FAM222B: variants seen among roughly 807,000 people sequenced by gnomAD.
The protein encoded by FAM222B is family with sequence similarity 222 member B, also known as protein FAM222B.
FAM222B carries 12 observed loss-of-function variants against 38.0 expected under a neutral mutation model. That is an observed-to-expected ratio of 0.32 (90% CI 0.20 to 0.51). FAM222B has a LOEUF of 0.51. FAM222B is among the 20% of genes least tolerant of loss of function. The probability of loss-of-function intolerance (pLI) is 0.97; values close to 1 mark genes in which losing one functional copy is unlikely to be tolerated. For synonymous variants in FAM222B, 329 were observed against 317.2 expected, an observed-to-expected ratio of 1.04 and a Z score of -0.40; for missense variants, 716 against 754.2, an observed-to-expected ratio of 0.95 and a Z score of 0.59.
chr17:28,852,518 G>A (rs1486243770), intron 1 of FAM222B, among the ~76,000 whole-genome samples: 1 of 152,044 alleles, frequency 6.6e-6, no homozygotes, highest in African/African-American at 2.4e-5. Flanking sequence ...GCCCGCATCT[G>A]TAGTCCCAGC....
intron 1 of FAM222B, among the ~76,000 whole-genome samples, chr17:28,787,419 T>C (rs2036465491): frequency 3.3e-5 from 5 of 152,238 alleles, no homozygotes; most frequent in Admixed American, 2.0e-4. Context: ...CAAAGGCTTC[T>C]ATATAGCCTT....
chr17:28,766,619 AAAG>A lies in FAM222B; in HGVS notation c.46_48del (p.Leu16del). On this transcript the variant is annotated inframe_deletion, in exon 2 of 3. Transcript: ENST00000581407. ...AGTCCAGTGTTCATCTGCGTGTGAG[AAAG>A]AAGCTGAAAGGACAGGTCACCTGGC... 1 of 1,606,160 alleles carries A rather than the reference AAAG, an allele frequency of 6.2e-7. No homozygotes were observed. The highest frequency in any genetic ancestry group is 8.5e-7 in the Non-Finnish European group (1 of 1,176,230).
Position 28,758,731 on chromosome 17 carries a change from A to C in FAM222B, c.1228T>G (p.Tyr410Asp). The change falls in exon 3 of 3, where the codon TAC becomes GAC. Residue 410 changes from tyrosine (Y) to aspartate (D), a missense_variant. By Grantham distance (160) the Tyr-to-Asp change is radical. Transcript: ENST00000581407. The stretch of plus-strand genomic sequence containing the variant: ...TGCGCCAGGCAGAGTTCCTGCGGGT[A>C]GGCAGGGGCCTTGCCCACAAAGCCA... The part of the protein sequence containing the change: ...GPGFVGKAPA[Y>D]PQELCLAQSF... 1 of 1,582,830 alleles carries C rather than the reference A, an allele frequency of 6.3e-7. No homozygotes were observed. The highest frequency in any genetic ancestry group is 1.1e-5 in the South Asian group (1 of 88,228).
chr17:28,770,583 T>C (rs1288222645), intron 1 of FAM222B, among the ~76,000 whole-genome samples: 1 of 150,918 alleles, frequency 6.6e-6, no homozygotes, highest in African/African-American at 2.5e-5. Flanking sequence ...TTTTTTTTTT[T>C]TTTTTGAGAC....
chr17:28,796,994 C>CTTTTTTT (rs34242589), intron 1 of FAM222B, among the ~76,000 whole-genome samples: 22 of 81,598 alleles, frequency 2.7e-4, no homozygotes, highest in East Asian at 4.2e-4. Context: ...GTGGCTATTG[C>CTTTTTTT]TTTTTTTTTT....
At chr17:28,820,346 G>A (rs1301056121) in intron 1 of FAM222B, among the ~76,000 whole-genome samples, 2 of 152,156 alleles carry the variant, frequency 1.3e-5, no homozygotes, top group African/African-American at 4.8e-5. Context: ...TTAGACTCTG[G>A]TATGGAACAA....
intron 2 of FAM222B, among the ~76,000 whole-genome samples, chr17:28,764,946 T>C (rs1179927869): frequency 6.6e-6 from 1 of 152,102 alleles, no homozygotes; most frequent in African/African-American, 2.4e-5. Context: ...CCCTCTCCAG[T>C]TGTGTCCCCA....
chr17:28,762,967 T>A (rs1039054650), intron 2 of FAM222B, among the ~76,000 whole-genome samples: 18 of 151,842 alleles, frequency 1.2e-4, no homozygotes, highest in Admixed American at 9.2e-4. Context: ...TTCTCAACAC[T>A]TATCACAGCC....
chr17:28,761,109 T>C (rs2035052155), intron 2 of FAM222B, among the ~76,000 whole-genome samples: 1 of 152,244 alleles, frequency 6.6e-6, no homozygotes, highest in Non-Finnish European at 1.5e-5. Context: ...TGCCTGCCTT[T>C]GGAGACTGCG....
At chr17:28,815,244 C>T (rs1383126718) in intron 1 of FAM222B, among the ~76,000 whole-genome samples, 10 of 149,886 alleles carry the variant, frequency 6.7e-5, no homozygotes, top group African/African-American at 2.2e-4. Context: ...GACAGAGTCT[C>T]GCTCTGTCAC....
At chr17:28,811,350 G>T (rs1355465656) in intron 1 of FAM222B, among the ~76,000 whole-genome samples, 1 of 152,108 alleles carries the variant, frequency 6.6e-6, no homozygotes, top group Non-Finnish European at 1.5e-5. Flanking sequence ...TAAGACAGGG[G>T]AATCGCTTGA....
chr17:28,807,438 T>A (rs2037547290), intron 1 of FAM222B, among the ~76,000 whole-genome samples: 1 of 152,166 alleles, frequency 6.6e-6, no homozygotes, highest in South Asian at 2.1e-4. Flanking sequence ...CAGGCTGGAG[T>A]GCAGTCCAAC....
chr17:28,781,753 A>G (rs970875093), intron 1 of FAM222B, among the ~76,000 whole-genome samples: 11 of 152,226 alleles, frequency 7.2e-5, no homozygotes, highest in Non-Finnish European at 1.6e-4. Context: ...CCTGCAGGAC[A>G]TTATGTTAAG....
intron 1 of FAM222B, among the ~76,000 whole-genome samples, chr17:28,781,649 A>G (rs2036173575): frequency 6.6e-6 from 1 of 152,228 alleles, no homozygotes; most frequent in Non-Finnish European, 1.5e-5. Context: ...CAGTCTATCA[A>G]TGGATGAACA....
At position 28,758,489 on chromosome 17, in the gene FAM222B, A is replaced by G; in HGVS notation, c.1470T>C (p.Ala490=). ...PTGAPLDCAA[A]PGAHYRAGTG... is the part of the protein sequence containing the mutation. ...TCCCTGCTCGGTAGTGGGCCCCGGG[A>G]GCTGCCGCACAGTCGAGGGGTGCAC... The change falls in exon 3 of 3, where the codon GCT becomes GCC. Residue 490 remains alanine (A), a synonymous_variant. Coordinates refer to ENST00000581407, the MANE Select transcript of FAM222B (RefSeq NM_001077498.3). 3 of 1,613,038 alleles carry G rather than the reference A, an allele frequency of 1.9e-6. No homozygotes were observed. Among genetic ancestry groups the G allele is most frequent in the Middle Eastern group, 3.3e-4 (2 of 6,060 alleles).
intron 1 of FAM222B, among the ~76,000 whole-genome samples, chr17:28,782,066 T>C (rs1259451849): frequency 1.3e-5 from 2 of 152,200 alleles, no homozygotes; most frequent in Non-Finnish European, 2.9e-5. Flanking sequence ...TGGCTCACAC[T>C]TGTAATTCCA....
intron 1 of FAM222B, among the ~76,000 whole-genome samples, chr17:28,771,289 T>C (rs1240700272): frequency 2.0e-5 from 3 of 152,150 alleles, no homozygotes; most frequent in African/African-American, 7.2e-5. Flanking sequence ...CTGAGGAAGG[T>C]AGAGTATGAT....
intron 1 of FAM222B, among the ~76,000 whole-genome samples, chr17:28,789,033 A>AAGCC (rs890432482): frequency 1.4e-5 from 2 of 146,720 alleles, no homozygotes; most frequent in African/African-American, 5.1e-5. Context: ...TTACAGATGT[A>AAGCC]AGCCACAGCG....
chr17:28,823,638 A>G (rs2038341095), intron 1 of FAM222B, among the ~76,000 whole-genome samples: 1 of 152,098 alleles, frequency 6.6e-6, no homozygotes, highest in South Asian at 2.1e-4. Context: ...GCCTTCTAAA[A>G]CATCACTTTC....
Sources: gnomAD v4.1 joint callset for allele counts (sites outside exome capture counted in the v4.1 genomes callset) on GRCh38, gnomAD v4.1.1 for gene constraint, MANE v1.5 for transcripts, NCBI Gene and HGNC (gene_info 2026-07-23, HGNC 2026-07-21) for gene names.